The following PTPRT variants were observed in gnomAD, a reference collection of about 807,000 sequenced individuals.
PTPRT encodes receptor-type tyrosine-protein phosphatase T.
In PTPRT, 56 loss-of-function variants were observed where a neutral mutation model predicts 176.8. The ratio of observed to expected loss-of-function variants is 0.32; its 90% CI spans 0.26 to 0.40. The LOEUF is 0.40. Among genes scored for constraint, PTPRT ranks in the 10% least tolerant of loss-of-function variants. The probability of loss-of-function intolerance (pLI) is 1.00; values close to 1 mark genes in which losing one functional copy is unlikely to be tolerated. For synonymous variants in PTPRT, 783 were observed against 739.0 expected, an observed-to-expected ratio of 1.06 and a Z score of -0.96; for missense variants, 1,540 against 1,908.2, an observed-to-expected ratio of 0.81 and a Z score of 3.60.
At chr20:42,088,986 A>T (rs1439701444) in intron 27 of PTPRT, among the ~76,000 whole-genome samples, 1 of 152,242 alleles carries the variant, frequency 6.6e-6, no homozygotes, top group Non-Finnish European at 1.5e-5. Context: ...GATTCTTCTT[A>T]TCGCCCCTCA....
intron 7 of PTPRT, among the ~76,000 whole-genome samples, chr20:42,579,373 G>A (rs1205494512): frequency 1.3e-5 from 2 of 152,112 alleles, no homozygotes; most frequent in Non-Finnish European, 2.9e-5. Flanking sequence ...AAACATGCGT[G>A]TGCATGTGTC....
intron 1 of PTPRT, among the ~76,000 whole-genome samples, chr20:43,141,130 T>A (rs1320317190): frequency 2.6e-5 from 4 of 152,244 alleles, no homozygotes; most frequent in Admixed American, 6.5e-5. Context: ...TATAATTTTT[T>A]AAATTTCCGT....
chr20:42,142,197 A>C (rs1456643855), intron 17 of PTPRT, among the ~76,000 whole-genome samples, 195 bp from the exon 18 acceptor site: 3 of 152,168 alleles, frequency 2.0e-5, no homozygotes, highest in Admixed American at 1.3e-4. Flanking sequence ...ATTGTTTCAA[A>C]TGTTATTGAT....
At position 42,916,211 on chromosome 20, in the gene PTPRT, A is replaced by G. The variant is rs1326886970; in HGVS notation, c.89-30279T>C. ...TTCCCACCTATGAGTGAGAACATGC[A>G]GTGTTTGGTTTTATGTCCTTGCGAT... On this transcript the variant is annotated intron_variant, in intron 1 of 30. Coordinates refer to ENST00000373187, the MANE Select transcript of PTPRT (RefSeq NM_007050.6). Among the ~76,000 whole-genome samples the G allele has an allele frequency of 5.5e-5, 8 of 145,240 alleles. No homozygotes were observed. The South Asian group carries it at 1.1e-3, about 19-fold the overall frequency.
At chr20:42,539,656 G>A (rs2145573739) in intron 7 of PTPRT, among the ~76,000 whole-genome samples, 1 of 149,458 alleles carries the variant, frequency 6.7e-6, no homozygotes, top group Non-Finnish European at 1.5e-5. Context: ...AAACCCACAT[G>A]CATTTAAAAA....
At position 42,927,931 on chromosome 20, in the gene PTPRT, A is replaced by G. The variant is rs206634; in HGVS notation, c.89-41999T>C. ...TGAAGTAACTTGCTCAAGGTCACAC[A>G]GTCAACAAAGAGGAGAGCTGGGATC... On this transcript the variant is annotated intron_variant, in intron 1 of 30. Transcript: ENST00000373187. 3.4e-3 allele frequency among the ~76,000 whole-genome samples: 520 copies of G among 152,356 alleles called. 4 individuals are homozygous for G. The highest frequency in any genetic ancestry group is 0.012 in the African/African-American group (480 of 41,588).
chr20:42,120,551 A>G (rs973570817), intron 19 of PTPRT, among the ~76,000 whole-genome samples: 1 of 152,240 alleles, frequency 6.6e-6, no homozygotes, highest in Non-Finnish European at 1.5e-5. Context: ...TGGGAGACCC[A>G]TAAAGATACC....
chr20:42,332,512 A>C (rs556843677), intron 11 of PTPRT, among the ~76,000 whole-genome samples: 5 of 152,274 alleles, frequency 3.3e-5, no homozygotes, highest in African/African-American at 1.2e-4. Context: ...GCCCGGCCAG[A>C]AAAGAATATT....
At chr20:42,710,209 C>T (rs2076123799) in intron 6 of PTPRT, among the ~76,000 whole-genome samples, 1 of 152,126 alleles carries the variant, frequency 6.6e-6, no homozygotes, top group Non-Finnish European at 1.5e-5. Flanking sequence ...TATAGAGAAA[C>T]CATTTGCTAG....
At chr20:42,144,800 G>A (rs957910267) in intron 17 of PTPRT, among the ~76,000 whole-genome samples, 1 of 152,146 alleles carries the variant, frequency 6.6e-6, no homozygotes, top group African/African-American at 2.4e-5. Context: ...TGCAGGAGGA[G>A]AACCCACCAT....
chr20:43,069,820 T>C (rs963917992), intron 1 of PTPRT, among the ~76,000 whole-genome samples: 3 of 152,312 alleles, frequency 2.0e-5, no homozygotes, highest in Non-Finnish European at 2.9e-5. Context: ...ACAGCTTGCA[T>C]AGTGGTTACT....
intron 1 of PTPRT, among the ~76,000 whole-genome samples, chr20:42,936,048 G>T (rs1279731826): frequency 2.0e-5 from 3 of 152,166 alleles, no homozygotes; most frequent in Non-Finnish European, 4.4e-5. Context: ...TATTCTAAAT[G>T]CTAAGTGAAC....
chr20:43,139,722 G>A (rs1600741475), intron 1 of PTPRT, among the ~76,000 whole-genome samples: 1 of 152,242 alleles, frequency 6.6e-6, no homozygotes, highest in African/African-American at 2.4e-5. Context: ...GCTGGAAAAC[G>A]GTCACCCCAG....
At chr20:42,548,983 G>A (rs924914475) in intron 7 of PTPRT, among the ~76,000 whole-genome samples, 6 of 152,090 alleles carry the variant, frequency 3.9e-5, no homozygotes, top group African/African-American at 1.4e-4. Context: ...GAGCTGGGGA[G>A]CTCTAGAAAC....
At chr20:42,767,074 T>C (rs895909203) in intron 5 of PTPRT, among the ~76,000 whole-genome samples, 1 of 152,208 alleles carries the variant, frequency 6.6e-6, no homozygotes, top group Admixed American at 6.5e-5. Context: ...AACTGGCCAC[T>C]GCCTTGGCCT....
chr20:43,151,233 G>A (rs1408467305), intron 1 of PTPRT, among the ~76,000 whole-genome samples: 1 of 151,870 alleles, frequency 6.6e-6, no homozygotes, highest in Non-Finnish European at 1.5e-5. Flanking sequence ...TTGAACCCGG[G>A]AGGCGGAGGT....
intron 7 of PTPRT, among the ~76,000 whole-genome samples, chr20:42,491,573 G>T (rs1464221474): frequency 6.6e-6 from 1 of 152,012 alleles, no homozygotes; most frequent in African/African-American, 2.4e-5. Context: ...GGGCTTGAGG[G>T]GGCAAGTTTT....
intron 6 of PTPRT, chr20:42,686,457 C>CTTTTTTTTT (rs71193668): frequency 2.6e-5 from 2 of 78,378 alleles, no homozygotes; most frequent in Non-Finnish European, 4.6e-5. Context: ...ATAGTGCACT[C>CTTTTTTTTT]TTTTTTTTTT....
In PTPRT at chr20:42,716,774, T is replaced by C. The variant is rs58667004; in HGVS notation, c.860-38615A>G. Among the ~76,000 whole-genome samples the C allele has an allele frequency of 2.2e-3, 339 of 152,232 alleles. 1 individual carries two copies. Among genetic ancestry groups the C allele is most frequent in the African/African-American group, 7.5e-3 (311 of 41,538 alleles). On this transcript the variant is annotated intron_variant, in intron 6 of 30. Coordinates refer to ENST00000373187, the MANE Select transcript of PTPRT (RefSeq NM_007050.6). ...TGGCACTACTCACAATAGCAAAGAC[T>C]TGGAACCAACCCAAATGTCCAACAA...
Sources: gnomAD v4.1 joint callset for allele counts (sites outside exome capture counted in the v4.1 genomes callset) on GRCh38, gnomAD v4.1.1 for gene constraint, MANE v1.5 for transcripts, NCBI Gene and HGNC (gene_info 2026-07-23, HGNC 2026-07-21) for gene names.